TANGO6: variants seen among roughly 807,000 people sequenced by gnomAD.
The protein encoded by TANGO6 is transport and Golgi organization protein 6 homolog.
In TANGO6, 90 loss-of-function variants were observed where a neutral mutation model predicts 114.2. The ratio of observed to expected loss-of-function variants is 0.79; its 90% CI spans 0.66 to 0.94. The LOEUF is 0.94. Ranked by LOEUF, TANGO6 falls within the 40% of genes least tolerant of loss-of-function variation. The pLI is 0.00. For synonymous variants in TANGO6, 477 were observed against 509.8 expected (o/e 0.94, Z 0.87); for missense variants, 1,274 against 1,315.3 (o/e 0.97, Z 0.49).
chr16:68,987,893 C>T (rs1187556881), intron 15 of TANGO6, among the ~76,000 whole-genome samples: 1 of 152,132 alleles, frequency 6.6e-6, no homozygotes, highest in African/African-American at 2.4e-5. Flanking sequence ...TTTGTATTTT[C>T]CTGGTGACTA....
intron 17 of TANGO6, among the ~76,000 whole-genome samples, chr16:69,061,747 C>G (rs577820536): frequency 6.6e-6 from 1 of 152,016 alleles, no homozygotes; most frequent in Non-Finnish European, 1.5e-5. Flanking sequence ...GCCGGGCGCG[C>G]GGTGGCTCAC....
intron 15 of TANGO6, among the ~76,000 whole-genome samples, chr16:69,008,172 T>C (rs1270852403): frequency 2.0e-5 from 3 of 152,116 alleles, no homozygotes; most frequent in African/African-American, 7.2e-5. Flanking sequence ...TAGGTTCACA[T>C]AAAAATTGAG....
intron 17 of TANGO6, among the ~76,000 whole-genome samples, chr16:69,067,254 A>T (rs539991180): frequency 3.3e-5 from 5 of 152,192 alleles, no homozygotes; most frequent in East Asian, 3.9e-4. Flanking sequence ...CATGCCTGTT[A>T]TCCCAGCACT....
chr16:68,879,668 G>A (rs947428311), intron 6 of TANGO6, among the ~76,000 whole-genome samples: 2 of 148,692 alleles, frequency 1.3e-5, no homozygotes, highest in Non-Finnish European at 3.0e-5. Context: ...CCAGGCTGGA[G>A]TGCAGTGGCA....
chr16:68,938,260 T>A (rs1963318718), intron 14 of TANGO6, among the ~76,000 whole-genome samples: 1 of 152,106 alleles, frequency 6.6e-6, no homozygotes, highest in Non-Finnish European at 1.5e-5. Context: ...AATGAGAAGG[T>A]TGGAGGTTTT....
intron 17 of TANGO6, among the ~76,000 whole-genome samples, chr16:69,070,907 G>A (rs1488317795): frequency 6.6e-6 from 1 of 151,692 alleles, no homozygotes; most frequent in Non-Finnish European, 1.5e-5. Flanking sequence ...CCAAGTAACT[G>A]GGATTACAGG....
chr16:68,971,168 A>G (rs1195268493), intron 14 of TANGO6, among the ~76,000 whole-genome samples: 1 of 151,684 alleles, frequency 6.6e-6, no homozygotes, highest in Non-Finnish European at 1.5e-5. Flanking sequence ...AAAAAAAAAG[A>G]AAGTTATGAT....
chr16:68,905,639 A>G (rs1043804468), intron 9 of TANGO6, among the ~76,000 whole-genome samples: 1 of 152,164 alleles, frequency 6.6e-6, no homozygotes, highest in Non-Finnish European at 1.5e-5. Flanking sequence ...ACTAAAAGCC[A>G]TAGTACCTCA....
intron 15 of TANGO6, among the ~76,000 whole-genome samples, chr16:68,983,929 A>AG (rs1963866957): frequency 6.6e-6 from 1 of 151,270 alleles, no homozygotes; most frequent in African/African-American, 2.4e-5. Flanking sequence ...GCTACTCGGG[A>AG]GGCTGAGGCA....
chr16:68,988,950 C>A (rs1192313572), intron 15 of TANGO6, among the ~76,000 whole-genome samples: 1 of 152,120 alleles, frequency 6.6e-6, no homozygotes, highest in African/African-American at 2.4e-5. Context: ...CACTGCACCT[C>A]GACCTCGCAG....
Position 68,909,228 on chromosome 16 carries a change from C to T in TANGO6, c.1818C>T (p.Ala606=), listed in dbSNP as rs1962890988. ...IFCLKELTHV[A]SENETELKTE... ...GCTTGTAGGAGTTGACTCATGTGGC[C>T]TCGGAAAATGAAACAGAGTTAAAAA... is the stretch of plus-strand genomic sequence containing the variant. Residue 606 remains alanine, a synonymous_variant, in exon 11 of 18, where the codon GCC becomes GCT. Transcript: ENST00000261778. 1.3e-6 allele frequency: 2 copies of T among 1,581,260 alleles called. No homozygotes were observed. The highest frequency in any genetic ancestry group is 1.8e-5 in the Admixed American group (1 of 56,068).
chr16:68,927,248 A>G (rs1451712383), intron 12 of TANGO6, among the ~76,000 whole-genome samples: 2 of 152,140 alleles, frequency 1.3e-5, no homozygotes, highest in Non-Finnish European at 2.9e-5. Context: ...CCAGTCTGTG[A>G]CCTTGGGCAT....
At chr16:68,952,441 A>AAAT (rs1199790850) in intron 14 of TANGO6, among the ~76,000 whole-genome samples, 1 of 152,106 alleles carries the variant, frequency 6.6e-6, no homozygotes, top group African/African-American at 2.4e-5. Context: ...CCTTCATCTC[A>AAAT]AATACAAATT....
At chr16:68,973,504 AAC>A (rs1963730185) in intron 14 of TANGO6, among the ~76,000 whole-genome samples, 1 of 152,150 alleles carries the variant, frequency 6.6e-6, no homozygotes, top group African/African-American at 2.4e-5. Context: ...AGATTATGAT[AAC>A]ACTGTTCCAG....
At chr16:68,940,123 T>TATTTCTTTC (rs1963337123) in intron 14 of TANGO6, among the ~76,000 whole-genome samples, 1 of 151,710 alleles carries the variant, frequency 6.6e-6, no homozygotes, top group Non-Finnish European at 1.5e-5. Context: ...TTCTTTCTTT[T>TATTTCTTTC]CTTTCTTTCC....
At chr16:69,032,403 C>A (rs1959610566) in intron 16 of TANGO6, among the ~76,000 whole-genome samples, 1 of 151,964 alleles carries the variant, frequency 6.6e-6, no homozygotes, top group Non-Finnish European at 1.5e-5. Context: ...GTAGCTGGGA[C>A]TACAGGCATG....
intron 14 of TANGO6, among the ~76,000 whole-genome samples, chr16:68,950,283 A>G (rs1375171972): frequency 6.6e-6 from 1 of 152,178 alleles, no homozygotes; most frequent in Admixed American, 6.5e-5. Context: ...AAAAAATTAA[A>G]GGCCACACGT....
chr16:68,845,084 CAGCCTCCCGAGT>C (rs1273994148), intron 1 of TANGO6, among the ~76,000 whole-genome samples: 4 of 151,202 alleles, frequency 2.6e-5, no homozygotes, highest in Non-Finnish European at 4.4e-5. Context: ...TCTCCTGCTT[CAGCCTCCCGAGT>C]AGCTGGGATT....
intron 17 of TANGO6, among the ~76,000 whole-genome samples, chr16:69,070,816 C>A (rs1960288768): frequency 6.6e-6 from 1 of 150,440 alleles, no homozygotes; most frequent in Middle Eastern, 3.5e-3. Context: ...TCTGGTTGCC[C>A]ATGCTGGAAT....
Sources: gnomAD v4.1 joint callset for allele counts (sites outside exome capture counted in the v4.1 genomes callset) on GRCh38, gnomAD v4.1.1 for gene constraint, MANE v1.5 for transcripts, NCBI Gene and HGNC (gene_info 2026-07-23, HGNC 2026-07-21) for gene names.